The following ACSBG2 variants were observed in gnomAD, a reference collection of about 807,000 sequenced individuals.
ACSBG2 encodes the protein long-chain-fatty-acid--CoA ligase ACSBG2.
ACSBG2 carries 62 observed loss-of-function variants against 74.7 expected under a neutral mutation model. The ratio of observed to expected loss-of-function variants is 0.83; its 90% CI spans 0.68 to 1.03. ACSBG2 has a LOEUF of 1.03. Ranked by LOEUF, ACSBG2 falls within the 50% of genes least tolerant of loss-of-function variation. The pLI, the probability that ACSBG2 is intolerant of heterozygous loss-of-function variation, is 0.00. For missense variants in ACSBG2, 730 were observed against 817.6 expected (o/e 0.89, Z 1.31); for synonymous variants, 309 against 294.1 (o/e 1.05, Z -0.52).
intron 7 of ACSBG2, among the ~76,000 whole-genome samples, chr19:6,167,130 A>G (rs191314898): frequency 6.6e-6 from 1 of 152,300 alleles, no homozygotes; most frequent in East Asian, 1.9e-4. Context: ...TGGTTTTTAA[A>G]TGAAGAATTT....
intron 4 of ACSBG2, among the ~76,000 whole-genome samples, chr19:6,155,903 T>A: frequency 1.5e-5 from 2 of 133,922 alleles, no homozygotes; most frequent in Non-Finnish European, 1.6e-5. Flanking sequence ...AGAAATTCTG[T>A]AACTCAGTAA....
At chr19:6,171,505 C>G (rs1600097452) in intron 7 of ACSBG2, among the ~76,000 whole-genome samples, 1 of 152,004 alleles carries the variant, frequency 6.6e-6, no homozygotes, top group African/African-American at 2.4e-5. Context: ...TATTGGCTGG[C>G]ATTTATTTTT....
chr19:6,174,452 C>CATATACATA lies in ACSBG2; in HGVS notation c.739-2775_739-2767dup, dbSNP rs1448348819. ...ATCTGCAGCTCTGTTTAATCTACCA[C>CATATACATA]ATATACATAAAATGCTTAGAACAAT... is the stretch of plus-strand genomic sequence containing the variant. On this transcript the variant is annotated intron_variant, in intron 7 of 14. Transcript: ENST00000588485. This position sits in a 1 kb window ranked among gnomAD's most constrained non-coding sequence, Gnocchi z 4.2. 1.3e-5 allele frequency among the ~76,000 whole-genome samples: 2 copies of CATATACATA among 152,208 alleles called. No individual in the cohort carries two copies. The highest frequency in any genetic ancestry group is 2.9e-5 in the Non-Finnish European group (2 of 68,046).
chr19:6,166,280 T>TGTGTGTTTGTGTGTGTG lies in ACSBG2; in HGVS notation c.738+265_738+266insGTGTGTTTGTGTGTGTG, dbSNP rs2089799967. On this transcript the variant is annotated intron_variant, in intron 7 of 14. Coordinates refer to ENST00000588485, the MANE Select transcript of ACSBG2 (RefSeq NM_030924.5). ...GATTCCTCTGTGTGAGTCAGGAAGG[T>TGTGTGTTTGTGTGTGTG]TGTGTGTGTGTGTGTGTGTGTGTGT... is the stretch of plus-strand genomic sequence containing the variant. Among the ~76,000 whole-genome samples, 342 of 119,144 alleles carry TGTGTGTTTGTGTGTGTG rather than the reference T, an allele frequency of 2.9e-3. 6 individuals are homozygous for TGTGTGTTTGTGTGTGTG. The highest frequency in any genetic ancestry group is 0.012 in the African/African-American group (320 of 26,572). The allele number at this position is 119,144 out of a possible 152,430, so 78.2% of individuals were successfully genotyped here. A position where few individuals can be genotyped will look rare whatever the true frequency, so the allele number is the denominator to read the frequency against.
Position 6,180,609 on chromosome 19 carries a change from T to C in ACSBG2, c.907-2142T>C, listed in dbSNP as rs1476561389. Among the ~76,000 whole-genome samples the C allele has an allele frequency of 6.6e-6, 1 of 152,252 alleles. No homozygotes were observed. Among genetic ancestry groups the C allele is most frequent in the Non-Finnish European group, 1.5e-5 (1 of 68,046 alleles). On this transcript the variant is annotated intron_variant, in intron 8 of 14. Transcript: ENST00000588485. This position sits in a 1 kb window ranked among gnomAD's most constrained non-coding sequence, Gnocchi z 4.3. ...AATGTTTACAACTTGTCAATCTGAA[T>C]AGTGACAAAAGTGTCTTAATATTTT...
intron 6 of ACSBG2, among the ~76,000 whole-genome samples, chr19:6,163,621 G>A (rs546434322): frequency 6.6e-6 from 1 of 151,560 alleles, no homozygotes; most frequent in South Asian, 2.1e-4. Context: ...CGCACCTGTA[G>A]TCTCAGCTAC....
chr19:6,140,013 G>T (rs1254381011), intron 1 of ACSBG2, among the ~76,000 whole-genome samples: 2 of 152,048 alleles, frequency 1.3e-5, no homozygotes, highest in African/African-American at 4.8e-5. Context: ...CACGAGGTCA[G>T]GAGATCGAGA....
At chr19:6,154,332 A>G (rs1054372082) in intron 4 of ACSBG2, among the ~76,000 whole-genome samples, 1 of 150,160 alleles carries the variant, frequency 6.7e-6, no homozygotes, top group Non-Finnish European at 1.5e-5. Context: ...CGGGACGCAG[A>G]GGTTGCAGTG....
chr19:6,189,501 G>A (rs1304343411), intron 13 of ACSBG2, among the ~76,000 whole-genome samples: 1 of 151,998 alleles, frequency 6.6e-6, no homozygotes, highest in African/African-American at 2.4e-5. Flanking sequence ...CTCTACACAG[G>A]GAAGTGACTT....
intron 5 of ACSBG2, among the ~76,000 whole-genome samples, chr19:6,159,771 G>A (rs78159307): frequency 0.023 from 3,564 of 152,186 alleles, 123 homozygotes; most frequent in African/African-American, 0.077. Flanking sequence ...CCAAGGCTCC[G>A]CTGATCTGGG....
intron 3 of ACSBG2, among the ~76,000 whole-genome samples, chr19:6,147,972 C>T (rs2089103639): frequency 6.6e-6 from 1 of 152,194 alleles, no homozygotes; most frequent in Non-Finnish European, 1.5e-5. Context: ...GGTTCTGCAT[C>T]TTGCATTTGT....
chr19:6,148,125 C>A (rs139039605), intron 3 of ACSBG2: 55 of 181,954 alleles, frequency 3.0e-4, no homozygotes, highest in Admixed American at 1.2e-3. Flanking sequence ...AAATTGGGTT[C>A]TTCTGGCTCC....
Position 6,183,228 on chromosome 19 carries a change from G to A in ACSBG2, c.1278G>A (p.Ser426=), listed in dbSNP as rs764702621. Reference sequence around the variant, plus strand: ...AGTTGTATGGGTTGAGTGAGAGCTCGGGACCCCACACGATATCCAACCAGA... The same window carrying A: ...AGTTGTATGGGTTGAGTGAGAGCTCAGGACCCCACACGATATCCAACCAGA... ...IGELYGLSES[S]GPHTISNQNN... The change falls in exon 10 of 15, where the codon TCG becomes TCA. Residue 426 remains serine (S), a synonymous_variant. Transcript: ENST00000588485. 22 of 1,613,982 alleles carry A rather than the reference G, an allele frequency of 1.4e-5. No homozygotes were observed. Among genetic ancestry groups the A allele is most frequent in the South Asian group, 2.2e-5 (2 of 91,082 alleles).
intron 7 of ACSBG2, among the ~76,000 whole-genome samples, chr19:6,166,842 T>C (rs141789867): frequency 4.8e-4 from 73 of 152,208 alleles, no homozygotes; most frequent in African/African-American, 1.7e-3. Flanking sequence ...TTTCACCACG[T>C]TGACCAGGCT....
intron 11 of ACSBG2, among the ~76,000 whole-genome samples, chr19:6,186,244 CA>C: frequency 6.6e-6 from 1 of 152,190 alleles, no homozygotes; most frequent in East Asian, 1.9e-4. Flanking sequence ...TTTGGGTTCA[CA>C]AAACATGTGT....
chr19:6,190,421 A>G lies in ACSBG2; in HGVS notation c.1928-163A>G, dbSNP rs1336461188. ...AGCTGAAGGATCACATGGAAGTTTTATCATCCCCATACAGATGGCAAAAGT... is the reference window on the plus strand; with the variant it reads ...AGCTGAAGGATCACATGGAAGTTTTGTCATCCCCATACAGATGGCAAAAGT... On this transcript the variant is annotated intron_variant, in intron 13 of 14. Transcript: ENST00000588485. The G allele has an allele frequency of 1.2e-5, 7 of 592,410 alleles. No individual in the cohort carries two copies. The East Asian group carries it at 2.0e-4, about 17-fold the overall frequency. The allele number at this position is 592,410 out of a possible 1,614,324, so 36.7% of individuals were successfully genotyped here.
At chr19:6,172,652 T>G (rs1360736617) in intron 7 of ACSBG2, among the ~76,000 whole-genome samples, 2 of 152,228 alleles carry the variant, frequency 1.3e-5, no homozygotes, top group Non-Finnish European at 2.9e-5. Flanking sequence ...CACTATCTCC[T>G]GCAGGACTGA....
Position 6,141,743 on chromosome 19 carries a change from T to G in ACSBG2, c.67+133T>G, listed in dbSNP as rs527336057. On this transcript the variant is annotated intron_variant, in intron 2 of 14. Coordinates refer to ENST00000588485, the MANE Select transcript of ACSBG2 (RefSeq NM_030924.5). ...CCCTGCTGACCCCGACCCCCCACCC[T>G]TTTGTTTTGAGACAGGGTCTTGCTC... 1.9e-5 allele frequency: 12 copies of G among 628,260 alleles called. No homozygotes were observed. The East Asian group carries it at 3.2e-4, about 17-fold the overall frequency. The allele number at this position is 628,260 out of a possible 1,614,324, so 38.9% of individuals were successfully genotyped here. A position where few individuals can be genotyped will look rare whatever the true frequency, so the allele number is the denominator to read the frequency against.
chr19:6,138,096 G>T (rs1421859206), intron 1 of ACSBG2, among the ~76,000 whole-genome samples: 1 of 152,152 alleles, frequency 6.6e-6, no homozygotes, highest in African/African-American at 2.4e-5. Context: ...CCCACTCCTC[G>T]TGGGTAGTTT....
Sources: gnomAD v4.1 joint callset for allele counts (sites outside exome capture counted in the v4.1 genomes callset) on GRCh38, gnomAD v4.1.1 for gene constraint, Gnocchi (gnomAD v3.1) non-coding constraint, MANE v1.5 for transcripts, NCBI Gene and HGNC (gene_info 2026-07-23, HGNC 2026-07-21) for gene names.